Variants in DMGDH observed in about 807,000 individuals in gnomAD.
DMGDH encodes the protein dimethylglycine dehydrogenase.
DMGDH carries 76 observed loss-of-function variants against 95.2 expected under a neutral mutation model. The observed-to-expected ratio is 0.80, with a 90% CI of 0.66 to 0.97. The LOEUF (loss-of-function observed/expected upper bound fraction) is 0.97. Ranked by LOEUF, DMGDH falls within the 50% of genes least tolerant of loss-of-function variation. The probability of loss-of-function intolerance (pLI) is 0.00; values close to 1 mark genes in which losing one functional copy is unlikely to be tolerated. For synonymous variants in DMGDH, 345 were observed against 377.6 expected, an observed-to-expected ratio of 0.91 and a Z score of 1.00; for missense variants, 987 against 1,055.0, an observed-to-expected ratio of 0.94 and a Z score of 0.89.
chr5:78,998,365 A>G, intron 15 of DMGDH, 68 bp from the exon 16 acceptor site: 1 of 1,451,166 alleles, frequency 6.9e-7, no homozygotes, highest in Non-Finnish European at 9.5e-7. Flanking sequence ...CTCTGGGTGA[A>G]AAAAAACTAA....
chr5:79,034,839 C>G (rs1307176570), intron 7 of DMGDH, among the ~76,000 whole-genome samples: 1 of 151,886 alleles, frequency 6.6e-6, no homozygotes, highest in South Asian at 2.1e-4. Flanking sequence ...GGGCGGATCA[C>G]GAGGTCAGGA....
rs753330494 is a variant in DMGDH at position 79,005,368 on chromosome 5, T to C, written c.2290A>G (p.Lys764Glu). The change falls in exon 15 of 16, where the codon AAA becomes GAA. Residue 764 changes from lysine to glutamate, a missense_variant. Physicochemically the swap from Lys to Glu is moderately conservative, Grantham distance 56. Coordinates refer to ENST00000255189, the MANE Select transcript of DMGDH (RefSeq NM_013391.3). ...FIGKQALKQI[K>E]AKGLKRRLVC... ...AGTCTTCGTTTCAGCCCCTTGGCTT[T>C]AATCTGTTTCAGTGCTTGCTTTCCT... The C allele has an allele frequency of 1.2e-5, 20 of 1,614,004 alleles. No individual in the cohort carries two copies. Among genetic ancestry groups the C allele is most frequent in the Non-Finnish European group, 1.7e-5 (20 of 1,180,020 alleles).
At chr5:79,065,981 TA>T (rs1338397204) in intron 1 of DMGDH, among the ~76,000 whole-genome samples, 1 of 152,212 alleles carries the variant, frequency 6.6e-6, no homozygotes, top group Non-Finnish European at 1.5e-5. Flanking sequence ...CATTTTAGAG[TA>T]AATTGTAGGT....
Position 79,054,238 on chromosome 5 carries a change from A to G in DMGDH, c.486T>C (p.Tyr162=), listed in dbSNP as rs1212849014. ...CTTGAATTTTTTCAGGTTCAATGAG[A>G]TACTGTTCTGTTGCATGCCAGCCAG... The part of the protein sequence containing the change: ...TRTGWHATEQ[Y]LIEPEKIQEM... The change falls in exon 4 of 16, where the codon TAT becomes TAC. Residue 162 remains tyrosine (Y), a synonymous_variant. Coordinates refer to ENST00000255189, the MANE Select transcript of DMGDH (RefSeq NM_013391.3). 1 of 1,614,148 alleles carries G rather than the reference A, an allele frequency of 6.2e-7. No individual in the cohort carries two copies. The highest frequency in any genetic ancestry group is 2.2e-5 in the East Asian group (1 of 44,880).
intron 15 of DMGDH, chr5:79,000,743 G>T (rs1753438356): frequency 8.0e-6 from 5 of 627,842 alleles, no homozygotes; most frequent in Non-Finnish European, 1.5e-5. Flanking sequence ...CCAATATTCT[G>T]TCATTTTCTC....
At chr5:79,008,109 A>G (rs980930113) in intron 14 of DMGDH, among the ~76,000 whole-genome samples, 1 of 152,026 alleles carries the variant, frequency 6.6e-6, no homozygotes, top group African/African-American at 2.4e-5. Context: ...TCTAGGGTGT[A>G]AAAATCACAA....
intron 14 of DMGDH, among the ~76,000 whole-genome samples, chr5:79,007,202 A>G (rs1753565189): frequency 6.6e-6 from 1 of 152,248 alleles, no homozygotes; most frequent in Non-Finnish European, 1.5e-5. Flanking sequence ...AACAAGTCAT[A>G]ACAAACCAAA....
At chr5:79,029,098 G>C (rs1402383789) in intron 11 of DMGDH, among the ~76,000 whole-genome samples, 1 of 152,206 alleles carries the variant, frequency 6.6e-6, no homozygotes, top group African/African-American at 2.4e-5. Flanking sequence ...ACAAGGAAAA[G>C]ACAGAAACTC....
At position 79,030,910 on chromosome 5, in the gene DMGDH, G is replaced by A; in HGVS notation, c.1606C>T (p.Pro536Ser). The change falls in exon 10 of 16, where the codon CCA becomes TCA. Residue 536 changes from proline (P) to serine (S), a missense_variant. Coordinates refer to ENST00000255189, the MANE Select transcript of DMGDH (RefSeq NM_013391.3). ...CCTTTGATGTTAAACTTGCCAAATG[G>A]TGATAGGTCAGTTACCGCTACTCTT... The part of the protein sequence containing the change: ...MQRVAVTDLS[P>S]FGKFNIKGQD... The A allele has an allele frequency of 6.2e-7, 1 of 1,614,128 alleles. No homozygotes were observed. The highest frequency in any genetic ancestry group is 8.5e-7 in the Non-Finnish European group (1 of 1,180,016).
intron 5 of DMGDH, 109 bp from the exon 6 acceptor site, chr5:79,044,661 T>C (rs1332446914): frequency 8.1e-7 from 1 of 1,236,314 alleles, no homozygotes; most frequent in South Asian, 1.3e-5. Flanking sequence ...TAAGTACTCA[T>C]GGCAAAGTCT....
chr5:79,021,752 A>G, intron 14 of DMGDH: 1 of 1,259,746 alleles, frequency 7.9e-7, no homozygotes, highest in Admixed American at 2.3e-5. Context: ...AAGGTAGTCC[A>G]TACAAACAAT....
intron 2 of DMGDH, among the ~76,000 whole-genome samples, chr5:79,059,698 T>C (rs556013): frequency 0.52 from 79,783 of 152,096 alleles, 22,816 homozygotes; most frequent in East Asian, 0.64. Flanking sequence ...CAAAATGCTG[T>C]TTTCCCAACA....
At chr5:79,057,179 A>G (rs1483382032) in intron 2 of DMGDH, among the ~76,000 whole-genome samples, 1 of 152,254 alleles carries the variant, frequency 6.6e-6, no homozygotes, top group Non-Finnish European at 1.5e-5. Flanking sequence ...CTCAGAAAAA[A>G]GTATCTAAAT....
At chr5:79,050,022 C>T (rs1034089337) in intron 5 of DMGDH, among the ~76,000 whole-genome samples, 1 of 151,584 alleles carries the variant, frequency 6.6e-6, no homozygotes, top group Non-Finnish European at 1.5e-5. Flanking sequence ...TTTGGGAGGC[C>T]GAGGCGGGTA....
chr5:79,014,428 T>C (rs1469901820), intron 14 of DMGDH, among the ~76,000 whole-genome samples: 5 of 152,230 alleles, frequency 3.3e-5, no homozygotes, highest in African/African-American at 4.8e-5. Flanking sequence ...GTTTTCATAA[T>C]AGATTTCATC....
At chr5:79,062,056 G>A (rs910038135) in intron 2 of DMGDH, among the ~76,000 whole-genome samples, 3 of 152,022 alleles carry the variant, frequency 2.0e-5, no homozygotes, top group South Asian at 2.1e-4. Context: ...GCCCTCCCTC[G>A]AAGGGTATTT....
At chr5:79,009,731 C>T (rs1254219448) in intron 14 of DMGDH, among the ~76,000 whole-genome samples, 1 of 152,128 alleles carries the variant, frequency 6.6e-6, no homozygotes, top group Non-Finnish European at 1.5e-5. Flanking sequence ...GGCACAATCC[C>T]CCTGTCTCAA....
chr5:79,067,697 A>G (rs1755417680), intron 1 of DMGDH, among the ~76,000 whole-genome samples: 1 of 152,196 alleles, frequency 6.6e-6, no homozygotes, highest in African/African-American at 2.4e-5. Flanking sequence ...TTATGTGGAT[A>G]ACTATCTTAA....
chr5:79,010,357 T>C lies in DMGDH; in HGVS notation c.2251-4950A>G, dbSNP rs540404537. On this transcript the variant is annotated intron_variant, in intron 14 of 15. Transcript: ENST00000255189. ...CAGGGTCTGATATGGAGAGTCAGGGTAGTGGGCTATAAGACACTGGGTAGA... is the reference window on the plus strand; with the variant it reads ...CAGGGTCTGATATGGAGAGTCAGGGCAGTGGGCTATAAGACACTGGGTAGA... Among the ~76,000 whole-genome samples, 3 of 152,294 alleles carry C rather than the reference T, an allele frequency of 2.0e-5. No homozygotes were observed. The South Asian group carries it at 6.2e-4, about 32-fold the overall frequency.
Sources: allele counts gnomAD v4.1 joint callset (sites outside exome capture counted in the v4.1 genomes callset), GRCh38; gene constraint gnomAD v4.1.1; transcripts MANE v1.5; gene names NCBI Gene and HGNC (gene_info 2026-07-23, HGNC 2026-07-21).